The following CTIF variants were observed in gnomAD, a reference collection of about 807,000 sequenced individuals.
CTIF encodes CBP80/20-dependent translation initiation factor.
Under a neutral mutation model 66.0 loss-of-function variants are expected in CTIF, and 21 were observed. The observed-to-expected ratio is 0.32, with a 90% CI of 0.23 to 0.46. The LOEUF is 0.46. CTIF is among the 20% of genes least tolerant of loss of function. The pLI, the probability that CTIF is intolerant of heterozygous loss-of-function variation, is 1.00. For missense variants in CTIF, 739 were observed against 812.7 expected, an observed-to-expected ratio of 0.91 and a Z score of 1.10; for synonymous variants, 345 against 326.4, an observed-to-expected ratio of 1.06 and a Z score of -0.62.
chr18:48,767,177 G>A (rs1359646181), intron 9 of CTIF, among the ~76,000 whole-genome samples: 1 of 152,186 alleles, frequency 6.6e-6, no homozygotes, highest in Non-Finnish European at 1.5e-5. Context: ...AATGTGGGGT[G>A]CCCAGGGTGC....
chr18:48,859,397 G>T lies in CTIF; in HGVS notation c.1635G>T (p.Glu545Asp), dbSNP rs753450736. 3.1e-5 allele frequency: 50 copies of T among 1,614,136 alleles called. No homozygotes were observed. The highest frequency in any genetic ancestry group is 5.0e-5 in the Admixed American group (3 of 60,030). The change falls in exon 12 of 12, where the codon GAG (glutamate) becomes GAT (aspartate). Residue 545 changes from glutamate to aspartate, a missense_variant. Physicochemically the swap from Glu to Asp is conservative, Grantham distance 45. This residue lies in a region of CTIF where 210 missense variants were observed against 292.3 expected (regional missense o/e 0.72). Transcript: ENST00000256413. ...LEEQLPEMMT[E>D]LLASARDKML... ...AACAGCTGCCTGAGATGATGACAGA[G>T]CTCCTGGCCAGCGCACGGGACAAGA... is the stretch of plus-strand genomic sequence containing the variant.
Position 48,773,817 on chromosome 18 carries a change from C to T in CTIF, c.1371+12128C>T, listed in dbSNP as rs947607653. ...CGCCCATACCAACCTGCCTGAGCTG[C>T]GTTTCTGATGCCTATAATGAACCAG... On this transcript the variant is annotated intron_variant, in intron 9 of 11. Transcript: ENST00000256413. Among the ~76,000 whole-genome samples the T allele has an allele frequency of 4.6e-5, 7 of 152,028 alleles. No individual in the cohort carries two copies. In the South Asian group the frequency reaches 6.2e-4, roughly 14 times the overall value.
At chr18:48,828,392 G>T (rs185629446) in intron 10 of CTIF, among the ~76,000 whole-genome samples, 1 of 152,260 alleles carries the variant, frequency 6.6e-6, no homozygotes. Flanking sequence ...CTTATGAAGG[G>T]TATATAGCAG....
chr18:48,811,299 T>TAG (rs1234565154), intron 9 of CTIF, among the ~76,000 whole-genome samples: 2 of 152,240 alleles, frequency 1.3e-5, no homozygotes, highest in Non-Finnish European at 2.9e-5. Context: ...TACCTGGTTG[T>TAG]AGTTTCAGTT....
At chr18:48,629,582 C>T (rs2090665021) in intron 2 of CTIF, among the ~76,000 whole-genome samples, 1 of 151,272 alleles carries the variant, frequency 6.6e-6, no homozygotes, top group South Asian at 2.1e-4. Flanking sequence ...TGATAGAATG[C>T]TGTGATTAAA....
chr18:48,635,833 A>G (rs1187948528), intron 2 of CTIF, among the ~76,000 whole-genome samples: 9 of 152,234 alleles, frequency 5.9e-5, no homozygotes, highest in Non-Finnish European at 1.0e-4. Flanking sequence ...CCTCCCAGCC[A>G]GTCACCCAGC....
intron 10 of CTIF, among the ~76,000 whole-genome samples, chr18:48,821,314 C>A (rs1253285675): frequency 6.6e-6 from 1 of 152,252 alleles, no homozygotes. Context: ...CCATCTCAAT[C>A]GAGTGCCTCG....
rs150489162 is a variant in CTIF, at chr18:48,659,523, T to C, written c.253-4229T>C. 1.4e-3 allele frequency among the ~76,000 whole-genome samples: 216 copies of C among 152,312 alleles called. 7 individuals carry two copies. In the East Asian group the frequency reaches 0.039, roughly 27 times the overall value. ...GCACCCCCAGGGCTCCCTGGAGCTG[T>C]GCAAAGATGGGGTCCGGCTCCTTGG... On this transcript the variant is annotated intron_variant, in intron 3 of 11. Coordinates refer to ENST00000256413, the MANE Select transcript of CTIF (RefSeq NM_014772.3).
intron 6 of CTIF, among the ~76,000 whole-genome samples, chr18:48,709,350 A>G (rs1268479544): frequency 6.6e-6 from 1 of 152,266 alleles, no homozygotes; most frequent in Non-Finnish European, 1.5e-5. Context: ...AGAAGCCCCG[A>G]GTGGCCCGGT....
At chr18:48,548,100 A>T (rs1199079731) in intron 1 of CTIF, among the ~76,000 whole-genome samples, 1 of 152,168 alleles carries the variant, frequency 6.6e-6, no homozygotes, top group African/African-American at 2.4e-5. Context: ...GGAGACAGAG[A>T]GGCAGAGATA....
chr18:48,702,214 A>G (rs1253437350), intron 6 of CTIF, among the ~76,000 whole-genome samples: 1 of 152,202 alleles, frequency 6.6e-6, no homozygotes, highest in Non-Finnish European at 1.5e-5. Context: ...CCCTGTTGGA[A>G]GGAAAAGGGA....
At chr18:48,746,277 A>G (rs929541740) in intron 7 of CTIF, among the ~76,000 whole-genome samples, 4 of 151,906 alleles carry the variant, frequency 2.6e-5, no homozygotes, top group African/African-American at 9.7e-5. Context: ...AGGCACACCC[A>G]TGACACCTGC....
chr18:48,679,587 C>A (rs1354933184), intron 6 of CTIF, among the ~76,000 whole-genome samples: 1 of 152,230 alleles, frequency 6.6e-6, no homozygotes, highest in Non-Finnish European at 1.5e-5. Flanking sequence ...ACAGAAAAGA[C>A]TGTTGGGGGA....
At chr18:48,590,880 G>A (rs1270697033) in intron 1 of CTIF, among the ~76,000 whole-genome samples, 1 of 151,388 alleles carries the variant, frequency 6.6e-6, no homozygotes, top group African/African-American at 2.4e-5. Context: ...GTGAATATCA[G>A]TCCTCTCCCA....
intron 1 of CTIF, among the ~76,000 whole-genome samples, chr18:48,598,401 C>T (rs80237883): frequency 0.019 from 2,907 of 152,286 alleles, 91 homozygotes; most frequent in African/African-American, 0.066. Flanking sequence ...GGCACCTCTC[C>T]GCTCTGAGGC....
chr18:48,680,806 G>A (rs1349895838), intron 6 of CTIF, among the ~76,000 whole-genome samples: 3 of 152,240 alleles, frequency 2.0e-5, no homozygotes, highest in African/African-American at 4.8e-5. Context: ...GGAAGGTGTC[G>A]CCAAGGGTGT....
Position 48,743,102 on chromosome 18 carries a change from G to A in CTIF, c.585-14817G>A, listed in dbSNP as rs73956014. ...TAAAAGGCTGGTTCATGAGGAACAC[G>A]TAAGTGGTAATAATTCTGCACATAT... On this transcript the variant is annotated intron_variant, in intron 7 of 11. Transcript: ENST00000256413. Among the ~76,000 whole-genome samples, 1,432 of 152,368 alleles carry A rather than the reference G, an allele frequency of 9.4e-3. 25 individuals carry two copies. Among genetic ancestry groups the A allele is most frequent in the African/African-American group, 0.033 (1,384 of 41,588 alleles).
At chr18:48,755,380 C>T (rs1908251392) in intron 7 of CTIF, among the ~76,000 whole-genome samples, 1 of 152,176 alleles carries the variant, frequency 6.6e-6, no homozygotes, top group South Asian at 2.1e-4. Flanking sequence ...TTGCCTTACA[C>T]TCTGCAGAAT....
At chr18:48,763,864 C>T (rs994806882) in intron 9 of CTIF, among the ~76,000 whole-genome samples, 1 of 152,108 alleles carries the variant, frequency 6.6e-6, no homozygotes, top group African/African-American at 2.4e-5. Flanking sequence ...TCCTGGGTCC[C>T]CCTGAGTCCT....
Sources: gnomAD v4.1 joint callset for allele counts (sites outside exome capture counted in the v4.1 genomes callset) on GRCh38, gnomAD v4.1.1 for gene constraint, gnomAD v4.1.1 regional missense constraint, MANE v1.5 for transcripts, NCBI Gene and HGNC (gene_info 2026-07-23, HGNC 2026-07-21) for gene names.